KIF6: variants seen among roughly 807,000 people sequenced by gnomAD.
The protein encoded by KIF6 is kinesin family member 6.
Under a neutral mutation model 112.7 loss-of-function variants are expected in KIF6, and 106 were observed. The observed-to-expected ratio is 0.94, with a 90% CI of 0.80 to 1.11. KIF6 has a LOEUF of 1.11. KIF6 is among the 50% of genes least tolerant of loss of function. The pLI is 0.00. For synonymous variants in KIF6, 339 were observed against 339.9 expected (o/e 1.00, Z 0.03); for missense variants, 929 against 964.0 (o/e 0.96, Z 0.48).
intron 10 of KIF6, among the ~76,000 whole-genome samples, chr6:39,562,852 T>C (rs1780083320): frequency 6.6e-6 from 1 of 152,266 alleles, no homozygotes; most frequent in Non-Finnish European, 1.5e-5. Context: ...AGGTAGAGAA[T>C]ATTTCATGTC....
chr6:39,635,109 A>G (rs192078222), intron 4 of KIF6, 151 bp from the exon 5 acceptor site: 11 of 571,386 alleles, frequency 1.9e-5, no homozygotes, highest in Non-Finnish European at 3.4e-5. Flanking sequence ...GACACTTTCA[A>G]GTTGCCAGTT....
intron 7 of KIF6, 34 bp downstream of exon 7, chr6:39,596,020 T>C (rs1179934846): frequency 6.6e-7 from 1 of 1,520,836 alleles, no homozygotes. Flanking sequence ...ATGGTAGCTA[T>C]AGTTATTAAT....
chr6:39,559,384 T>C (rs1377530113), intron 10 of KIF6, among the ~76,000 whole-genome samples: 2 of 152,178 alleles, frequency 1.3e-5, no homozygotes, highest in African/African-American at 2.4e-5. Context: ...ATGCAGGATG[T>C]TTCTCAATTC....
intron 6 of KIF6, among the ~76,000 whole-genome samples, chr6:39,605,348 G>A (rs182154970): frequency 1.2e-4 from 18 of 151,604 alleles, no homozygotes; most frequent in Admixed American, 8.6e-4. Context: ...TTCAGCCTTC[G>A]CTTAAAAATT....
At chr6:39,615,559 T>A (rs1783476280) in intron 5 of KIF6, among the ~76,000 whole-genome samples, 1 of 151,550 alleles carries the variant, frequency 6.6e-6, no homozygotes, top group Non-Finnish European at 1.5e-5. Context: ...GATTCTGATT[T>A]GATTGGTCCA....
At chr6:39,463,531 C>A (rs981182280) in intron 13 of KIF6, among the ~76,000 whole-genome samples, 2 of 152,170 alleles carry the variant, frequency 1.3e-5, no homozygotes, top group Non-Finnish European at 2.9e-5. Flanking sequence ...TTTTTCTATG[C>A]ATGTTTAGAT....
At chr6:39,570,809 G>T (rs1344230251) in intron 10 of KIF6, among the ~76,000 whole-genome samples, 1 of 152,184 alleles carries the variant, frequency 6.6e-6, no homozygotes, top group Non-Finnish European at 1.5e-5. Context: ...TGCCATGATT[G>T]TAAGTTTCCT....
At chr6:39,353,781 G>T (rs1764432419) in intron 19 of KIF6, 1 of 290,250 alleles carries the variant, frequency 3.4e-6, no homozygotes. Flanking sequence ...GATGGACCCA[G>T]TGGCTCCTTC....
At chr6:39,667,354 CA>C (rs1786539649) in intron 3 of KIF6, among the ~76,000 whole-genome samples, 1 of 152,112 alleles carries the variant, frequency 6.6e-6, no homozygotes, top group Non-Finnish European at 1.5e-5. Flanking sequence ...ACGTTTAAGG[CA>C]ACAGAAGAAA....
chr6:39,602,518 A>C (rs1782635333), intron 6 of KIF6, among the ~76,000 whole-genome samples: 1 of 152,138 alleles, frequency 6.6e-6, no homozygotes, highest in Admixed American at 6.6e-5. Context: ...ATAACACAGT[A>C]GTGTTAAAAA....
chr6:39,536,975 T>A (rs1425122864), intron 13 of KIF6, among the ~76,000 whole-genome samples: 2 of 151,822 alleles, frequency 1.3e-5, no homozygotes, highest in African/African-American at 2.4e-5. Context: ...CACATGATTA[T>A]CTCAATAGAT....
At chr6:39,377,018 C>T (rs75739175) in intron 16 of KIF6, among the ~76,000 whole-genome samples, 1,736 of 152,290 alleles carry the variant, frequency 0.011, 34 homozygotes, top group African/African-American at 0.038. Flanking sequence ...GCACAGAGCA[C>T]ATTTTGCAGA....
chr6:39,528,802 G>A (rs940326434), intron 13 of KIF6, among the ~76,000 whole-genome samples: 10 of 152,190 alleles, frequency 6.6e-5, no homozygotes, highest in African/African-American at 2.4e-4. Flanking sequence ...TGTTACTAAA[G>A]TGATCTATAG....
chr6:39,533,021 G>A (rs1011299902), intron 13 of KIF6, among the ~76,000 whole-genome samples: 1 of 152,204 alleles, frequency 6.6e-6, no homozygotes. Context: ...GGAAACAGGA[G>A]GGAGGGCAGC....
rs191692377 is a variant in KIF6 at position 39,630,671 on chromosome 6, T to G, written c.509+4178A>C. Among the ~76,000 whole-genome samples, 3 of 152,102 alleles carry G rather than the reference T, an allele frequency of 2.0e-5. No homozygotes were observed. In the East Asian group the frequency reaches 5.8e-4, roughly 29 times the overall value. ...CTTCCCAATAACTTTAATTTCTTTTTCCGGTATTATTGCAATTGGCTAGGA... is the reference window on the plus strand; with the variant it reads ...CTTCCCAATAACTTTAATTTCTTTTGCCGGTATTATTGCAATTGGCTAGGA... On this transcript the variant is annotated intron_variant, in intron 5 of 22. Transcript: ENST00000287152.
At chr6:39,684,039 T>C (rs1157974729) in intron 3 of KIF6, among the ~76,000 whole-genome samples, 1 of 152,200 alleles carries the variant, frequency 6.6e-6, no homozygotes, top group Non-Finnish European at 1.5e-5. Flanking sequence ...ATCCCCATCA[T>C]GCTCAGTTAT....
intron 6 of KIF6, among the ~76,000 whole-genome samples, chr6:39,610,411 C>T (rs1228529904): frequency 6.6e-6 from 1 of 152,142 alleles, no homozygotes; most frequent in Non-Finnish European, 1.5e-5. Flanking sequence ...ACTTTGTGTC[C>T]CACATATTCA....
At chr6:39,387,387 C>T (rs995104540) in intron 15 of KIF6, among the ~76,000 whole-genome samples, 4 of 152,154 alleles carry the variant, frequency 2.6e-5, no homozygotes, top group African/African-American at 7.2e-5. Context: ...GGTAATACCT[C>T]GGAGGCCACT....
intron 6 of KIF6, among the ~76,000 whole-genome samples, chr6:39,602,161 C>A (rs1434871932): frequency 2.0e-5 from 3 of 151,998 alleles, no homozygotes; most frequent in Non-Finnish European, 2.9e-5. Context: ...ATTTAATAAT[C>A]CTTTATCAGT....
Sources: allele counts gnomAD v4.1 joint callset (sites outside exome capture counted in the v4.1 genomes callset), GRCh38; gene constraint gnomAD v4.1.1; transcripts MANE v1.5; gene names NCBI Gene and HGNC (gene_info 2026-07-23, HGNC 2026-07-21).